The following ZBTB20 variants were observed in gnomAD, a reference collection of about 807,000 sequenced individuals.
ZBTB20 encodes zinc finger and BTB domain-containing protein 20.
In ZBTB20, 9 loss-of-function variants were observed where a neutral mutation model predicts 56.9. The ratio of observed to expected loss-of-function variants is 0.16; its 90% CI spans 0.10 to 0.28. ZBTB20 has a LOEUF of 0.28. Among genes scored for constraint, ZBTB20 ranks in the 10% least tolerant of loss-of-function variants. The pLI is 1.00. For synonymous variants in ZBTB20, 417 were observed against 420.7 expected, an observed-to-expected ratio of 0.99 and a Z score of 0.11; for missense variants, 655 against 1,003.0, an observed-to-expected ratio of 0.65 and a Z score of 4.69.
chr3:114,500,403 A>G lies in ZBTB20; in HGVS notation c.-294-12T>C, dbSNP rs2043810222. 6.6e-6 allele frequency: 1 copy of G among 152,234 alleles called. No homozygotes were observed. The highest frequency in any genetic ancestry group is 6.5e-5 in the Admixed American group (1 of 15,284). The allele number at this position is 152,234 out of a possible 1,614,324, so 9.4% of individuals were successfully genotyped here. On this transcript the variant is annotated splice_polypyrimidine_tract_variant and intron_variant, in intron 6 of 11. Coordinates refer to ENST00000675478, the MANE Select transcript of ZBTB20 (RefSeq NM_001348800.3). Reference sequence around the variant, plus strand: ...TGATGGTCAAAGATCTGAAAATCAAAGAAAAAATAAGGAATTAAAAGCAAA... The same window carrying G: ...TGATGGTCAAAGATCTGAAAATCAAGGAAAAAATAAGGAATTAAAAGCAAA...
chr3:114,544,020 C>G (rs544687500), intron 6 of ZBTB20, among the ~76,000 whole-genome samples: 2 of 152,242 alleles, frequency 1.3e-5, no homozygotes, highest in South Asian at 4.1e-4. Flanking sequence ...CATTGAGCAC[C>G]TACTATTCTC....
chr3:114,584,566 T>C (rs2054980988), intron 6 of ZBTB20, among the ~76,000 whole-genome samples: 1 of 151,602 alleles, frequency 6.6e-6, no homozygotes, highest in South Asian at 2.1e-4. Flanking sequence ...CCTTCCCACC[T>C]GTCCTCTGAG....
intron 7 of ZBTB20, among the ~76,000 whole-genome samples, chr3:114,488,146 T>C (rs1483397272): frequency 1.3e-5 from 2 of 152,192 alleles, no homozygotes; most frequent in African/African-American, 2.4e-5. Context: ...AGAAATGTCA[T>C]AGGTCTCTGG....
rs575174221 is a variant in ZBTB20 at position 114,943,121 on chromosome 3, GA to G, written c.-456+31244del. ...AAAAACTGGAGTTTAGTGACTACTT[GA>G]AAAGCACTCCAAAATTTTATTTGAA... On this transcript the variant is annotated intron_variant, in intron 3 of 11. Transcript: ENST00000675478. 3.0e-3 allele frequency among the ~76,000 whole-genome samples: 440 copies of G among 145,514 alleles called. 11 individuals carry two copies. Among genetic ancestry groups the G allele is most frequent in the Non-Finnish European group, 3.5e-3 (239 of 67,676 alleles).
intron 4 of ZBTB20, among the ~76,000 whole-genome samples, chr3:114,873,576 C>A (rs1193727035): frequency 6.6e-6 from 1 of 151,948 alleles, no homozygotes; most frequent in African/African-American, 2.4e-5. Flanking sequence ...ACCCTTTGGG[C>A]AGAATCATTA....
intron 2 of ZBTB20, among the ~76,000 whole-genome samples, chr3:115,041,976 T>C (rs2081162747): frequency 6.6e-6 from 1 of 151,324 alleles, no homozygotes; most frequent in Non-Finnish European, 1.5e-5. Flanking sequence ...AGATAGGAGG[T>C]AACTTTTATT....
intron 3 of ZBTB20, among the ~76,000 whole-genome samples, chr3:114,914,370 AG>A (rs1201499662): frequency 6.6e-6 from 1 of 151,846 alleles, no homozygotes; most frequent in African/African-American, 2.4e-5. Flanking sequence ...TTTCTTTTTC[AG>A]ATTATTCACC....
chr3:114,750,250 T>C (rs1214234896), intron 5 of ZBTB20, among the ~76,000 whole-genome samples: 1 of 152,170 alleles, frequency 6.6e-6, no homozygotes, highest in Admixed American at 6.6e-5. Flanking sequence ...ATGATCAGGA[T>C]GACAGCAAGT....
chr3:114,779,775 T>C (rs1333914128), intron 5 of ZBTB20, among the ~76,000 whole-genome samples: 1 of 152,162 alleles, frequency 6.6e-6, no homozygotes, highest in Admixed American at 6.6e-5. Flanking sequence ...TGAGATACAC[T>C]TAGGAATCTT....
chr3:114,496,033 A>G (rs777625970), intron 7 of ZBTB20, among the ~76,000 whole-genome samples: 1 of 151,280 alleles, frequency 6.6e-6, no homozygotes, highest in Non-Finnish European at 1.5e-5. Context: ...TTTTTTTCCT[A>G]TCCTCTGGGA....
At chr3:115,095,521 A>G (rs1211428455) in intron 1 of ZBTB20, among the ~76,000 whole-genome samples, 1 of 152,202 alleles carries the variant, frequency 6.6e-6, no homozygotes, top group African/African-American at 2.4e-5. Flanking sequence ...TAGTACAGAA[A>G]TAGCATGCCA....
intron 5 of ZBTB20, among the ~76,000 whole-genome samples, chr3:114,748,817 G>A (rs1173927182): frequency 1.3e-5 from 2 of 152,174 alleles, no homozygotes; most frequent in Non-Finnish European, 2.9e-5. Context: ...GCAAAGTGCT[G>A]TATAAAAGTA....
intron 5 of ZBTB20, among the ~76,000 whole-genome samples, chr3:114,789,987 G>A (rs1401628212): frequency 1.3e-5 from 2 of 151,892 alleles, no homozygotes; most frequent in East Asian, 1.9e-4. Context: ...AAAGCACGGT[G>A]AATACACACA....
At chr3:114,417,290 G>GCACTT (rs1386777943) in intron 7 of ZBTB20, among the ~76,000 whole-genome samples, 1 of 152,048 alleles carries the variant, frequency 6.6e-6, no homozygotes, top group Non-Finnish European at 1.5e-5. Flanking sequence ...TTGCACATTT[G>GCACTT]CACTTAATTA....
intron 5 of ZBTB20, among the ~76,000 whole-genome samples, chr3:114,701,022 C>G (rs2063358434): frequency 6.6e-6 from 1 of 152,168 alleles, no homozygotes; most frequent in Admixed American, 6.5e-5. Flanking sequence ...CCTTCCCCTA[C>G]AAAGGGTAGT....
At chr3:114,405,846 G>C (rs1391684565) in intron 7 of ZBTB20, among the ~76,000 whole-genome samples, 1 of 151,940 alleles carries the variant, frequency 6.6e-6, no homozygotes, top group Admixed American at 6.6e-5. Context: ...CTGAGAACTG[G>C]GGATAGTTTA....
intron 6 of ZBTB20, among the ~76,000 whole-genome samples, chr3:114,565,173 T>A (rs757307911): frequency 1.3e-5 from 2 of 152,194 alleles, no homozygotes; most frequent in Non-Finnish European, 2.9e-5. Flanking sequence ...TTAAAAACGA[T>A]GTTCATTCAC....
intron 6 of ZBTB20, among the ~76,000 whole-genome samples, chr3:114,530,005 G>A (rs2047661524): frequency 6.6e-6 from 1 of 152,196 alleles, no homozygotes; most frequent in Non-Finnish European, 1.5e-5. Flanking sequence ...ATATCTGACT[G>A]TGGTCCTGCA....
intron 6 of ZBTB20, among the ~76,000 whole-genome samples, chr3:114,526,696 T>A (rs1201263221): frequency 6.6e-6 from 1 of 152,212 alleles, no homozygotes; most frequent in African/African-American, 2.4e-5. Context: ...AATAATTACC[T>A]GCTTAAGTCA....
Sources: allele counts gnomAD v4.1 joint callset (sites outside exome capture counted in the v4.1 genomes callset), GRCh38; gene constraint gnomAD v4.1.1; transcripts MANE v1.5; gene names NCBI Gene and HGNC (gene_info 2026-07-23, HGNC 2026-07-21).